ATAD1: variants seen among roughly 807,000 people sequenced by gnomAD.
The protein encoded by ATAD1 is ATPase family AAA domain containing 1.
ATAD1 carries 18 observed loss-of-function variants against 42.7 expected under a neutral mutation model. The ratio of observed to expected loss-of-function variants is 0.42; its 90% CI spans 0.29 to 0.63. The LOEUF is 0.63. Among genes scored for constraint, ATAD1 ranks in the 20% least tolerant of loss-of-function variants. The pLI is 0.19. For missense variants in ATAD1, 294 were observed against 440.4 expected, an observed-to-expected ratio of 0.67 and a Z score of 2.98; for synonymous variants, 132 against 143.1, an observed-to-expected ratio of 0.92 and a Z score of 0.55.
At chr10:87,815,944 G>A (rs1398362164) in intron 1 of ATAD1, among the ~76,000 whole-genome samples, 3 of 152,032 alleles carry the variant, frequency 2.0e-5, no homozygotes, top group Non-Finnish European at 4.4e-5. Flanking sequence ...CAGCGTATCT[G>A]TCTAGTATCC....
At chr10:87,833,727 C>CTTTTTTTTTTTTTTT (rs3033524) in intron 1 of ATAD1, among the ~76,000 whole-genome samples, 12 of 100,764 alleles carry the variant, frequency 1.2e-4, no homozygotes, top group Admixed American at 1.3e-4. Context: ...TCTTTCTTTC[C>CTTTTTTTTTTTTTTT]TTTTTTTTTT....
At chr10:87,800,039 G>A (rs2131988915) in intron 2 of ATAD1, among the ~76,000 whole-genome samples, 1 of 151,086 alleles carries the variant, frequency 6.6e-6, no homozygotes, top group East Asian at 1.9e-4. Context: ...ACAAACCACA[G>A]AGTCCAAGCA....
At position 87,784,756 on chromosome 10, in the gene ATAD1, CA is replaced by C. The variant is rs1239499058; in HGVS notation, c.383-87del. Reference sequence around the variant, plus strand: ...ATCAATAGAATAGTAATTCCTTCCACAAAAAACTTTCCCAATATTCAATTCT... The same window carrying C: ...ATCAATAGAATAGTAATTCCTTCCACAAAAACTTTCCCAATATTCAATTCT... On this transcript the variant is annotated intron_variant, in intron 4 of 9. Transcript: ENST00000680024. 6 of 1,294,344 alleles carry C rather than the reference CA, an allele frequency of 4.6e-6. No individual in the cohort carries two copies. The African/African-American group carries it at 6.0e-5, about 13-fold the overall frequency. 80.2% of individuals were successfully genotyped at this position (1,294,344 alleles called of 1,614,324 possible).
intron 2 of ATAD1, among the ~76,000 whole-genome samples, chr10:87,793,393 T>C (rs1331612045): frequency 6.6e-6 from 1 of 152,076 alleles, no homozygotes; most frequent in African/African-American, 2.4e-5. Context: ...TCAATTAAAA[T>C]AAAGATAATG....
intron 1 of ATAD1, among the ~76,000 whole-genome samples, chr10:87,829,577 T>C (rs1213504890): frequency 2.0e-5 from 3 of 152,278 alleles, no homozygotes; most frequent in Middle Eastern, 3.4e-3. Context: ...CTAAATGCCA[T>C]TGAGAATATT....
intron 4 of ATAD1, among the ~76,000 whole-genome samples, chr10:87,786,512 G>C (rs1363333224): frequency 6.6e-6 from 1 of 152,170 alleles, no homozygotes; most frequent in African/African-American, 2.4e-5. Flanking sequence ...TGAGTGTCTG[G>C]AGTGCCTAAA....
rs552150675 is a variant in ATAD1 at position 87,808,531 on chromosome 10, C to A, written c.162+5907G>T. ...TGCCACTGCACTCCAGCCTGGGCAACAGAGCAAGGCTCCGTCTAAAAGAAA... is the reference window on the plus strand; with the variant it reads ...TGCCACTGCACTCCAGCCTGGGCAAAAGAGCAAGGCTCCGTCTAAAAGAAA... On this transcript the variant is annotated intron_variant, in intron 2 of 9. Transcript: ENST00000680024. Among the ~76,000 whole-genome samples the A allele has an allele frequency of 1.4e-4, 22 of 152,274 alleles. No homozygotes were observed. The South Asian group carries it at 4.6e-3, about 32-fold the overall frequency.
At chr10:87,802,531 C>T (rs528003696) in intron 2 of ATAD1, among the ~76,000 whole-genome samples, 17 of 151,726 alleles carry the variant, frequency 1.1e-4, no homozygotes, top group African/African-American at 2.9e-4. Flanking sequence ...GTAGGCAGGG[C>T]GCAGTGGCTC....
At chr10:87,807,925 A>G (rs1329088011) in intron 2 of ATAD1, among the ~76,000 whole-genome samples, 1 of 152,204 alleles carries the variant, frequency 6.6e-6, no homozygotes, top group Non-Finnish European at 1.5e-5. Flanking sequence ...AAAATCTGCC[A>G]GTATTTTTGT....
At chr10:87,755,137 A>G (rs1854164230) in intron 9 of ATAD1, among the ~76,000 whole-genome samples, 1 of 152,242 alleles carries the variant, frequency 6.6e-6, no homozygotes, top group African/African-American at 2.4e-5. Context: ...TAAGGTAAAA[A>G]ATGTTATATG....
chr10:87,817,719 T>A (rs528694219), intron 1 of ATAD1: 1 of 985,056 alleles, frequency 1.0e-6, no homozygotes, highest in Admixed American at 6.1e-5. Context: ...CCATCTTTTG[T>A]GAAAGCGTGC....
chr10:87,767,109 G>GA (rs1185223612), intron 8 of ATAD1, among the ~76,000 whole-genome samples: 1 of 152,126 alleles, frequency 6.6e-6, no homozygotes, highest in Non-Finnish European at 1.5e-5. Flanking sequence ...ACAATAGTCT[G>GA]AAAAATATCA....
intron 1 of ATAD1, 28 bp downstream of exon 1, chr10:87,818,139 T>C (rs972907066): frequency 6.1e-6 from 6 of 985,434 alleles, no homozygotes; most frequent in African/African-American, 1.7e-5. Flanking sequence ...AACCATCCCA[T>C]GAGGCCCCAC....
At chr10:87,803,959 T>C (rs1856814220) in intron 2 of ATAD1, among the ~76,000 whole-genome samples, 1 of 152,178 alleles carries the variant, frequency 6.6e-6, no homozygotes, top group Non-Finnish European at 1.5e-5. Context: ...CCTATCTCAA[T>C]TTTATTTACT....
chr10:87,804,201 T>C (rs1589540974), intron 2 of ATAD1, among the ~76,000 whole-genome samples: 1 of 152,308 alleles, frequency 6.6e-6, no homozygotes, highest in East Asian at 1.9e-4. Context: ...TCTCTCAAAA[T>C]AACAGAAATA....
At chr10:87,827,073 G>A (rs538631472) in intron 1 of ATAD1, among the ~76,000 whole-genome samples, 1 of 152,298 alleles carries the variant, frequency 6.6e-6, no homozygotes, top group Admixed American at 6.5e-5. Context: ...CCAGGTAGGT[G>A]AAGAACAAAT....
chr10:87,755,608 T>C (rs1168280272), intron 9 of ATAD1, among the ~76,000 whole-genome samples: 3 of 152,096 alleles, frequency 2.0e-5, no homozygotes, highest in Admixed American at 2.0e-4. Flanking sequence ...CTTAATCTTA[T>C]ATATAAGAAT....
intron 4 of ATAD1, among the ~76,000 whole-genome samples, chr10:87,786,044 T>C (rs961171823): frequency 1.3e-5 from 2 of 152,208 alleles, no homozygotes; most frequent in Non-Finnish European, 2.9e-5. Context: ...TCAGTTATAA[T>C]TTGAATCTTC....
intron 8 of ATAD1, among the ~76,000 whole-genome samples, chr10:87,764,169 A>G (rs569255763): frequency 2.6e-3 from 396 of 152,206 alleles, no homozygotes; most frequent in African/African-American, 9.2e-3. Flanking sequence ...GGCTATAAAA[A>G]AAAAAATGGG....
Sources: allele counts gnomAD v4.1 joint callset (sites outside exome capture counted in the v4.1 genomes callset), GRCh38; gene constraint gnomAD v4.1.1; transcripts MANE v1.5; gene names NCBI Gene and HGNC (gene_info 2026-07-23, HGNC 2026-07-21).